GLDC: variants seen among roughly 807,000 people sequenced by gnomAD.
GLDC encodes glycine dehydrogenase (decarboxylating), mitochondrial.
GLDC carries 104 observed loss-of-function variants against 121.3 expected under a neutral mutation model. The ratio of observed to expected loss-of-function variants is 0.86; its 90% CI spans 0.73 to 1.01. The LOEUF is 1.01. Ranked by LOEUF, GLDC falls within the 50% of genes least tolerant of loss-of-function variation. GLDC has a pLI of 0.00. For synonymous variants in GLDC, 546 were observed against 480.6 expected, an observed-to-expected ratio of 1.14 and a Z score of -1.78; for missense variants, 1,429 against 1,306.6, an observed-to-expected ratio of 1.09 and a Z score of -1.44.
rs1819122122 is a variant in GLDC, at chr9:6,622,397, A to G, written c.335-2078T>C. ...CCTGCGATTGCAGGCACGCGCCGCC[A>G]CGCCTGACTGGTTTTCGTATTTTTT... On this transcript the variant is annotated intron_variant, in intron 2 of 24. Coordinates refer to ENST00000321612, the MANE Select transcript of GLDC (RefSeq NM_000170.3). Among the ~76,000 whole-genome samples, 4 of 149,136 alleles carry G rather than the reference A, an allele frequency of 2.7e-5. 1 individual carries two copies. The highest frequency in any genetic ancestry group is 1.0e-4 in the African/African-American group (4 of 39,956).
intron 4 of GLDC, among the ~76,000 whole-genome samples, chr9:6,608,126 A>G (rs1040669189): frequency 6.6e-6 from 1 of 151,866 alleles, no homozygotes; most frequent in African/African-American, 2.4e-5. Flanking sequence ...CAAAAAAACA[A>G]TTGAGGGCCG....
chr9:6,604,563 A>G (rs1349041300), intron 7 of GLDC, 25 bp downstream of exon 7: 1 of 1,580,278 alleles, frequency 6.3e-7, no homozygotes, highest in South Asian at 1.1e-5. Flanking sequence ...TCACAATAAA[A>G]GTAGAGAAAC....
chr9:6,605,483 C>T (rs1369486937), intron 5 of GLDC: 2 of 627,036 alleles, frequency 3.2e-6, no homozygotes, highest in Admixed American at 4.4e-5. Flanking sequence ...GCTTCTGTTC[C>T]TCTCTTCTAT....
intron 15 of GLDC, among the ~76,000 whole-genome samples, chr9:6,581,847 A>T (rs750695624): frequency 1.3e-5 from 2 of 152,210 alleles, no homozygotes; most frequent in Non-Finnish European, 2.9e-5. Context: ...TGTGCATCAA[A>T]AAACACTGTA....
intron 8 of GLDC, among the ~76,000 whole-genome samples, chr9:6,600,617 C>T (rs1818587709): frequency 1.3e-5 from 2 of 151,734 alleles, no homozygotes; most frequent in African/African-American, 2.4e-5. Context: ...TTGCAGTGAG[C>T]CAAGATTGCG....
chr9:6,641,177 G>A (rs542410586), intron 2 of GLDC, among the ~76,000 whole-genome samples: 9 of 152,140 alleles, frequency 5.9e-5, no homozygotes, highest in African/African-American at 1.2e-4. Context: ...GGTTCTGTCC[G>A]GCCATTCTGT....
Position 6,610,222 on chromosome 9 carries a change from G to T in GLDC, c.605C>A (p.Ala202Glu). 1 of 1,613,292 alleles carries T rather than the reference G, an allele frequency of 6.2e-7. No homozygotes were observed. Among genetic ancestry groups the T allele is most frequent in the Non-Finnish European group, 8.5e-7 (1 of 1,179,678 alleles). Residue 202 changes from alanine to glutamate, a missense_variant, in exon 4 of 25, where the codon GCA (alanine) becomes GAA (glutamate). By Grantham distance (107) the Ala-to-Glu change is moderately radical (BLOSUM62 -1). Transcript: ENST00000321612. ...GCACAGCTGCAGTGCCTCTGCGGCT[G>T]CAGTCCCCTCATCCAGCAGGGATGC... ...ANASLLDEGTAAAEALQLCYR... is the reference protein window; with the variant it reads ...ANASLLDEGTEAAEALQLCYR...
Position 6,534,530 on chromosome 9 carries a change from C to T in GLDC, c.2919+178G>A, listed in dbSNP as rs530101290. Among the ~76,000 whole-genome samples, 3 of 152,306 alleles carry T rather than the reference C, an allele frequency of 2.0e-5. No individual in the cohort carries two copies. The East Asian group carries it at 5.8e-4, about 29-fold the overall frequency. On this transcript the variant is annotated intron_variant, in intron 24 of 24. Transcript: ENST00000321612. ...TGGGTTCCCAGATCTGTGGTTGATA[C>T]TGTGTGACCTCGCCTCTGAAAGCCA... is the stretch of plus-strand genomic sequence containing the variant.
chr9:6,602,533 A>G (rs1818637284), intron 7 of GLDC, among the ~76,000 whole-genome samples: 1 of 152,004 alleles, frequency 6.6e-6, no homozygotes, highest in South Asian at 2.1e-4. Flanking sequence ...TTGTATTTTT[A>G]GTAGAGATGG....
chr9:6,543,796 C>G (rs1249515272), intron 21 of GLDC, among the ~76,000 whole-genome samples: 1 of 151,976 alleles, frequency 6.6e-6, no homozygotes, highest in Non-Finnish European at 1.5e-5. Flanking sequence ...AACCACTCAG[C>G]ACCAACTTTT....
Position 6,606,487 on chromosome 9 carries a change from T to C in GLDC, c.713+105A>G, listed in dbSNP as rs568604731. On this transcript the variant is annotated intron_variant, in intron 5 of 24. Transcript: ENST00000321612. ...CCCCAATTTAAACAGCAAAAAACCC[T>C]GTTTCAGATTCACCTCCAATCAGTT... 199 of 826,606 alleles carry C rather than the reference T, an allele frequency of 2.4e-4. No homozygotes were observed. In the African/African-American group the frequency reaches 3.0e-3, roughly 12 times the overall value. 51.2% of individuals were successfully genotyped at this position (826,606 alleles called of 1,614,324 possible). A position where few individuals can be genotyped will look rare whatever the true frequency, so the allele number is the denominator to read the frequency against.
In GLDC at chr9:6,589,182, A is replaced by G. The variant is rs1563849682; in HGVS notation, c.1580+13T>C. Reference sequence around the variant, plus strand: ...AAAGCACAAAACGCAGAAGTCACACAAGACACACAAACCTGTTGAACACTT... The same window carrying G: ...AAAGCACAAAACGCAGAAGTCACACGAGACACACAAACCTGTTGAACACTT... On this transcript the variant is annotated intron_variant, in intron 12 of 24. Coordinates refer to ENST00000321612, the MANE Select transcript of GLDC (RefSeq NM_000170.3). The G allele has an allele frequency of 6.6e-7, 1 of 1,520,072 alleles. No individual in the cohort carries two copies. The highest frequency in any genetic ancestry group is 2.3e-5 in the East Asian group (1 of 44,444). The allele number at this position is 1,520,072 out of a possible 1,614,324, so 94.2% of individuals were successfully genotyped here. A position where few individuals can be genotyped will look rare whatever the true frequency, so the allele number is the denominator to read the frequency against.
chr9:6,620,767 C>A (rs923657988), intron 2 of GLDC, among the ~76,000 whole-genome samples: 10 of 152,220 alleles, frequency 6.6e-5, no homozygotes, highest in Non-Finnish European at 1.0e-4. Flanking sequence ...TCTACATTTT[C>A]TCTAAAATTG....
At chr9:6,590,385 C>G (rs867782727) in intron 11 of GLDC, among the ~76,000 whole-genome samples, 13 of 152,296 alleles carry the variant, frequency 8.5e-5, no homozygotes, top group South Asian at 8.3e-4. Flanking sequence ...CCCTCCAGAT[C>G]TCAGGGTGAA....
At chr9:6,615,653 C>T (rs113918964) in intron 3 of GLDC, among the ~76,000 whole-genome samples, 3,399 of 152,162 alleles carry the variant, frequency 0.022, 114 homozygotes, top group African/African-American at 0.07. Flanking sequence ...AACTGTCACC[C>T]AGGCTGGAGT....
chr9:6,604,878 C>G, intron 6 of GLDC, 94 bp from the exon 7 acceptor site: 1 of 1,075,422 alleles, frequency 9.3e-7, no homozygotes, highest in South Asian at 1.3e-5. Flanking sequence ...GGAAGACGGG[C>G]AGAGTGTGTT....
intron 2 of GLDC, among the ~76,000 whole-genome samples, chr9:6,634,774 C>A (rs559473293): frequency 3.3e-5 from 5 of 152,112 alleles, no homozygotes; most frequent in Non-Finnish European, 5.9e-5. Flanking sequence ...CTGCTTCTCT[C>A]CCCTTCCACC....
chr9:6,594,980 A>G, intron 9 of GLDC, 34 bp downstream of exon 9: 1 of 1,238,352 alleles, frequency 8.1e-7, no homozygotes. Flanking sequence ...CAATTTTATT[A>G]TGCCCAAATG....
At chr9:6,629,957 A>ATATAT in intron 2 of GLDC, among the ~76,000 whole-genome samples, 1 of 83,102 alleles carries the variant, frequency 1.2e-5, no homozygotes, top group Non-Finnish European at 2.1e-5. Flanking sequence ...ATATATATAT[A>ATATAT]TTTTTTTTTT....
Sources: gnomAD v4.1 joint callset for allele counts (sites outside exome capture counted in the v4.1 genomes callset) on GRCh38, gnomAD v4.1.1 for gene constraint, MANE v1.5 for transcripts, NCBI Gene and HGNC (gene_info 2026-07-23, HGNC 2026-07-21) for gene names.